TOMM40: variants seen among roughly 807,000 people sequenced by gnomAD.
TOMM40 encodes translocase of outer mitochondrial membrane 40.
Under a neutral mutation model 38.4 loss-of-function variants are expected in TOMM40, and 9 were observed. The ratio of observed to expected loss-of-function variants is 0.23; its 90% CI spans 0.14 to 0.41. The LOEUF is 0.41. Ranked by LOEUF, TOMM40 falls within the 10% of genes least tolerant of loss-of-function variation. The probability of loss-of-function intolerance (pLI) is 1.00; values close to 1 mark genes in which losing one functional copy is unlikely to be tolerated. For missense variants in TOMM40, 299 were observed against 486.5 expected, an observed-to-expected ratio of 0.61 and a Z score of 3.63; for synonymous variants, 184 against 210.0, an observed-to-expected ratio of 0.88 and a Z score of 1.07.
In TOMM40 at chr19:44,891,742, G is replaced by C. The variant is rs180811355; in HGVS notation, c.274+53G>C. On this transcript the variant is annotated intron_variant, in intron 1 of 8. Coordinates refer to ENST00000426677, the MANE Select transcript of TOMM40 (RefSeq NM_001128917.2). ...TGCGATGGCCTGGATCTCGGGGGAAGGGGGAGGACACTGGGGACTCTGGGA... is the reference window on the plus strand; with the variant it reads ...TGCGATGGCCTGGATCTCGGGGGAACGGGGAGGACACTGGGGACTCTGGGA... 6 of 1,384,374 alleles carry C rather than the reference G, an allele frequency of 4.3e-6. 1 individual carries two copies. Among genetic ancestry groups the C allele is most frequent in the Admixed American group, 3.2e-5 (1 of 31,158 alleles). The allele number at this position is 1,384,374 out of a possible 1,614,324, so 85.8% of individuals were successfully genotyped here. A position where few individuals can be genotyped will look rare whatever the true frequency, so the allele number is the denominator to read the frequency against.
chr19:44,898,418 C>G (rs1029438335), intron 5 of TOMM40, among the ~76,000 whole-genome samples: 2 of 152,132 alleles, frequency 1.3e-5, no homozygotes, highest in Non-Finnish European at 2.9e-5. Context: ...CAGGGCTGCA[C>G]CCTAGGAGAT....
intron 8 of TOMM40, chr19:44,902,118 A>G (rs1232988537): frequency 6.6e-6 from 1 of 152,150 alleles, no homozygotes; most frequent in African/African-American, 2.4e-5. Context: ...ATAAATAAAT[A>G]AATGTTAAAA....
Position 44,903,031 on chromosome 19 carries a change from C to T in TOMM40, c.948C>T (p.Gly316=). The change falls in exon 9 of 9, where the codon GGC becomes GGT. Residue 316 remains glycine, a splice_region_variant and synonymous_variant. Coordinates refer to ENST00000426677, the MANE Select transcript of TOMM40 (RefSeq NM_001128917.2). ...TCTCACCTCAGCTCTTCCCTGCAGG[C>T]TCTGTGGATAGCAACTGGATCGTGG... ...DLPKANLLFK[G]SVDSNWIVGA... 6.2e-7 allele frequency: 1 copy of T among 1,612,706 alleles called. No individual in the cohort carries two copies. Among genetic ancestry groups the T allele is most frequent in the East Asian group, 2.2e-5 (1 of 44,864 alleles).
intron 1 of TOMM40, 67 bp downstream of exon 1, chr19:44,891,756 G>A: frequency 7.4e-7 from 1 of 1,350,242 alleles, no homozygotes; most frequent in Non-Finnish European, 9.5e-7. Context: ...GAGGACACTG[G>A]GGACTCTGGG....
rs898273219 is a variant in TOMM40 at position 44,901,213 on chromosome 19, G to A, written c.849G>A (p.Gln283=). 1.9e-6 allele frequency: 3 copies of A among 1,614,026 alleles called. No homozygotes were observed. Among genetic ancestry groups the A allele is most frequent in the East Asian group, 2.2e-5 (1 of 44,902 alleles). ...TYYHKASDQL[Q]VGVEFEASTR... is the part of the protein sequence containing the mutation. ...TGTTGCTCCGGCCCCTCCAGCTGCA[G>A]GTGGGTGTGGAGTTTGAGGCCAGCA... Residue 283 remains glutamine, a synonymous_variant, in exon 8 of 9, where the codon CAG becomes CAA. Coordinates refer to ENST00000426677, the MANE Select transcript of TOMM40 (RefSeq NM_001128917.2).
chr19:44,892,317 TG>T, intron 1 of TOMM40, 75 bp from the exon 2 acceptor site: 1 of 1,400,192 alleles, frequency 7.1e-7, no homozygotes, highest in Non-Finnish European at 1.0e-6. Context: ...TGGAGAGAGC[TG>T]GGGGTGGTAG....
intron 5 of TOMM40, among the ~76,000 whole-genome samples, chr19:44,896,592 G>C (rs1002777471): frequency 1.3e-5 from 2 of 152,192 alleles, no homozygotes; most frequent in African/African-American, 4.8e-5. Flanking sequence ...GACACAGCCA[G>C]GAAGCAGAGG....
In TOMM40 at chr19:44,891,534, T is replaced by C. The variant is rs981261898; in HGVS notation, c.119T>C (p.Leu40Pro). The C allele has an allele frequency of 3.5e-6, 5 of 1,412,202 alleles. No individual in the cohort carries two copies. The highest frequency in any genetic ancestry group is 3.0e-5 in the African/African-American group (2 of 67,298). 87.5% of individuals were successfully genotyped at this position (1,412,202 alleles called of 1,614,324 possible). A position where few individuals can be genotyped will look rare whatever the true frequency, so the allele number is the denominator to read the frequency against. ...CCGCCGGGCTTCACGCTGCCGCCGC[T>C]GGGAGGCAGCCTGGGCGCCGGCACC... ...PSPPGFTLPPLGGSLGAGTST... is the reference protein window; with the variant it reads ...PSPPGFTLPPPGGSLGAGTST... Residue 40 changes from leucine to proline, a missense_variant, in exon 1 of 9, where the codon CTG (leucine) becomes CCG (proline). Physicochemically the swap from Leu to Pro is moderately conservative, Grantham distance 98. Coordinates refer to ENST00000426677, the MANE Select transcript of TOMM40 (RefSeq NM_001128917.2).
intron 5 of TOMM40, among the ~76,000 whole-genome samples, chr19:44,894,549 A>C (rs1969530434): frequency 6.6e-6 from 1 of 152,166 alleles, no homozygotes; most frequent in South Asian, 2.1e-4. Flanking sequence ...GGTGTGAGCC[A>C]CCACGCCCAG....
intron 5 of TOMM40, among the ~76,000 whole-genome samples, chr19:44,898,177 T>C (rs1969603726): frequency 6.6e-6 from 1 of 152,202 alleles, no homozygotes; most frequent in Non-Finnish European, 1.5e-5. Flanking sequence ...CAGCCATGCC[T>C]GCAGGTATGA....
At position 44,901,085 on chromosome 19, in the gene TOMM40, A is replaced by G. The variant is rs144413596; in HGVS notation, c.824A>G (p.Tyr275Cys). The G allele has an allele frequency of 6.2e-7, 1 of 1,614,082 alleles. No individual in the cohort carries two copies. The highest frequency in any genetic ancestry group is 1.3e-5 in the African/African-American group (1 of 74,944). The change falls in exon 7 of 9, where the codon TAC becomes TGC. Residue 275 changes from tyrosine (Y) to cysteine (C), a missense_variant. By Grantham distance (194) the Tyr-to-Cys change is radical. Coordinates refer to ENST00000426677, the MANE Select transcript of TOMM40 (RefSeq NM_001128917.2). Reference protein sequence around the residue: ...LGQAGMHATYYHKASDQLQVG... With the variant: ...LGQAGMHATYCHKASDQLQVG... ...CAGGCGGGCATGCACGCAACATACT[A>G]CCACAAAGCCAGTGACCAGGTGAGT... is the stretch of plus-strand genomic sequence containing the variant.
rs902070323 is a variant in TOMM40, at chr19:44,901,117, A to G, written c.843+13A>G. 5.6e-6 allele frequency: 9 copies of G among 1,614,260 alleles called. No individual in the cohort carries two copies. The Admixed American group carries it at 1.3e-4, about 24-fold the overall frequency. ...AGCCAGTGACCAGGTGAGTGGGTGC[A>G]GGGACTAGCTGGTGCTGCCAGGGGC... On this transcript the variant is annotated intron_variant, in intron 7 of 8. Transcript: ENST00000426677.
chr19:44,897,790 A>AAAG (rs1555789088), intron 5 of TOMM40, among the ~76,000 whole-genome samples: 5 of 146,386 alleles, frequency 3.4e-5, no homozygotes, highest in African/African-American at 1.0e-4. Flanking sequence ...AAAAAAAAAA[A>AAAG]AGAGAGAGAG....
At chr19:44,899,791 CTTTTT>C (rs10524523) in intron 5 of TOMM40, among the ~76,000 whole-genome samples, 96 of 90,810 alleles carry the variant, frequency 1.1e-3, no homozygotes, top group Admixed American at 3.3e-3. Flanking sequence ...TTGCATCTGG[CTTTTT>C]TTTTTTTTTT....
At position 44,894,015 on chromosome 19, in the gene TOMM40, G is replaced by A. The variant is rs1319065867; in HGVS notation, c.592G>A (p.Asp198Asn). The change falls in exon 5 of 9, where the codon GAC (aspartate) becomes AAC (asparagine). Residue 198 changes from aspartate (D) to asparagine (N), a missense_variant. Asp to Asn is a conservative substitution (Grantham distance 23, BLOSUM62 1). Coordinates refer to ENST00000426677, the MANE Select transcript of TOMM40 (RefSeq NM_001128917.2). ...GGTGGACGGGGAGTATCGGGGCTCT[G>A]ACTTCACAGCAGCCGTCACCCTGGG... is the stretch of plus-strand genomic sequence containing the variant. ...WQVDGEYRGS[D>N]FTAAVTLGNP... The A allele has an allele frequency of 1.9e-6, 3 of 1,543,098 alleles. No individual in the cohort carries two copies. The highest frequency in any genetic ancestry group is 8.8e-7 in the Non-Finnish European group (1 of 1,141,784).
At chr19:44,893,744 C>G (rs1233780370) in intron 3 of TOMM40, 36 bp from the exon 4 acceptor site, 12 of 1,583,478 alleles carry the variant, frequency 7.6e-6, no homozygotes, top group African/African-American at 2.7e-5. Context: ...GCACAGTGCA[C>G]CACCTCTGAC....
chr19:44,895,068 C>T (rs1361076051), intron 5 of TOMM40, among the ~76,000 whole-genome samples: 2 of 152,138 alleles, frequency 1.3e-5, no homozygotes, highest in African/African-American at 4.8e-5. Flanking sequence ...TTTCGGATTG[C>T]CAGCTTTGTG....
chr19:44,902,765 G>T lies in TOMM40; in HGVS notation c.947-265G>T, dbSNP rs1253148910. On this transcript the variant is annotated intron_variant, in intron 8 of 8. Transcript: ENST00000426677. ...CTCAGTGAGAGGAACAGATTCATCC[G>T]CAGAGTGGGCAGGACTAGGTTGGGG... 1.1e-5 allele frequency: 4 copies of T among 371,306 alleles called. No individual in the cohort carries two copies. In the East Asian group the frequency reaches 1.6e-4, roughly 15 times the overall value. 23.0% of individuals were successfully genotyped at this position (371,306 alleles called of 1,614,324 possible).
At position 44,903,615 on chromosome 19, in the gene TOMM40, A is replaced by C. The variant is rs1969727311; in HGVS notation, c.*446A>C. On this transcript the variant is annotated 3_prime_UTR_variant, in exon 9 of 9. Coordinates refer to ENST00000426677, the MANE Select transcript of TOMM40 (RefSeq NM_001128917.2). ...CTCCTCGGTATAAATCATGTTTATAAGTTATGGAAGAACCGGGACATTTTA... is the reference window on the plus strand; with the variant it reads ...CTCCTCGGTATAAATCATGTTTATACGTTATGGAAGAACCGGGACATTTTA... 6.4e-6 allele frequency: 1 copy of C among 155,966 alleles called. No homozygotes were observed. The highest frequency in any genetic ancestry group is 2.0e-4 in the South Asian group (1 of 5,066). The allele number at this position is 155,966 out of a possible 1,614,324, so 9.7% of individuals were successfully genotyped here.
Sources: allele counts gnomAD v4.1 joint callset (sites outside exome capture counted in the v4.1 genomes callset), GRCh38; gene constraint gnomAD v4.1.1; transcripts MANE v1.5; gene names NCBI Gene and HGNC (gene_info 2026-07-23, HGNC 2026-07-21).